The following WDR70 variants were observed in gnomAD, a reference collection of about 807,000 sequenced individuals.
WDR70 encodes the protein WD repeat domain 70.
Under a neutral mutation model 88.6 loss-of-function variants are expected in WDR70, and 53 were observed. The ratio of observed to expected loss-of-function variants is 0.60; its 90% confidence interval spans 0.48 to 0.75. The LOEUF (loss-of-function observed/expected upper bound fraction) is 0.75. Among genes scored for constraint, WDR70 ranks in the 30% least tolerant of loss-of-function variants. WDR70 has a pLI of 0.00. For synonymous variants in WDR70, 280 were observed against 270.0 expected, an observed-to-expected ratio of 1.04 and a Z score of -0.36; for missense variants, 610 against 823.2, an observed-to-expected ratio of 0.74 and a Z score of 3.17.
intron 5 of WDR70, among the ~76,000 whole-genome samples, chr5:37,414,894 A>G (rs1216304961): frequency 6.7e-6 from 1 of 148,150 alleles, no homozygotes; most frequent in Non-Finnish European, 1.5e-5. Context: ...CAAGTGAACA[A>G]AGGTCTCTGG....
chr5:37,505,638 A>G, intron 8 of WDR70: 1 of 776,674 alleles, frequency 1.3e-6, no homozygotes, highest in Admixed American at 1.8e-5. Context: ...AAGAAAAGTG[A>G]TAAGGAAAAT....
At chr5:37,696,245 T>C (rs1051522334) in intron 10 of WDR70, among the ~76,000 whole-genome samples, 1 of 152,150 alleles carries the variant, frequency 6.6e-6, no homozygotes, top group African/African-American at 2.4e-5. Flanking sequence ...GATGGAAGCA[T>C]GATAACTAAT....
intron 8 of WDR70, among the ~76,000 whole-genome samples, chr5:37,507,614 A>G (rs1007168746): frequency 2.0e-5 from 3 of 152,172 alleles, no homozygotes; most frequent in African/African-American, 4.8e-5. Flanking sequence ...TCTGAAGATC[A>G]ATTTGGAGAA....
intron 9 of WDR70, among the ~76,000 whole-genome samples, chr5:37,555,528 C>T (rs1581389854): frequency 6.6e-6 from 1 of 152,132 alleles, no homozygotes; most frequent in Admixed American, 6.5e-5. Context: ...GATTCCCATG[C>T]TCTAATAGTT....
intron 17 of WDR70, among the ~76,000 whole-genome samples, chr5:37,737,597 G>A (rs1748338128): frequency 6.6e-6 from 1 of 152,152 alleles, no homozygotes; most frequent in Non-Finnish European, 1.5e-5. Context: ...CTACACCAAT[G>A]CCAAGCTTTC....
At chr5:37,647,515 A>C (rs531187521) in intron 10 of WDR70, among the ~76,000 whole-genome samples, 1 of 152,304 alleles carries the variant, frequency 6.6e-6, no homozygotes, top group Admixed American at 6.5e-5. Context: ...ATTCTTAGGA[A>C]GGCTTTTCAG....
Position 37,534,324 on chromosome 5 carries a change from C to A in WDR70, c.917+17734C>A, listed in dbSNP as rs1230903258. Among the ~76,000 whole-genome samples, 3 of 152,140 alleles carry A rather than the reference C, an allele frequency of 2.0e-5. No individual in the cohort carries two copies. In the East Asian group the frequency reaches 5.8e-4, roughly 29 times the overall value. ...TATTTAACTGTATTAATTCTCTAAA[C>A]AACAGTTTAGATAAAGTTCCACAGG... On this transcript the variant is annotated intron_variant, in intron 9 of 17. Transcript: ENST00000265107.
intron 9 of WDR70, among the ~76,000 whole-genome samples, chr5:37,522,706 G>A (rs1741134414): frequency 6.6e-6 from 1 of 152,186 alleles, no homozygotes; most frequent in Non-Finnish European, 1.5e-5. Flanking sequence ...GGAAGCACAA[G>A]GGGTCAGGGA....
intron 8 of WDR70, among the ~76,000 whole-genome samples, chr5:37,496,170 T>C (rs113884275): frequency 0.17 from 25,141 of 152,120 alleles, 2,200 homozygotes; most frequent in South Asian, 0.27. Context: ...CAATCAGTGC[T>C]CTGTAAAATG....
intron 9 of WDR70, among the ~76,000 whole-genome samples, chr5:37,583,976 T>G (rs1743293584): frequency 6.6e-6 from 1 of 152,226 alleles, no homozygotes; most frequent in African/African-American, 2.4e-5. Context: ...CCTTACTTGT[T>G]TTCATGGATT....
At chr5:37,467,274 T>C (rs1739184477) in intron 7 of WDR70, among the ~76,000 whole-genome samples, 1 of 151,386 alleles carries the variant, frequency 6.6e-6, no homozygotes, top group Non-Finnish European at 1.5e-5. Flanking sequence ...TTTCTCACAG[T>C]TCTGGAGGCT....
intron 7 of WDR70, among the ~76,000 whole-genome samples, chr5:37,444,421 C>G (rs1010967875): frequency 6.9e-6 from 1 of 145,116 alleles, no homozygotes. Context: ...TCACTGCAAC[C>G]TCTGCTTCTT....
In WDR70 at chr5:37,379,467, C is replaced by T. The variant is rs750898834; in HGVS notation, c.26-22C>T. On this transcript the variant is annotated intron_variant, in intron 1 of 17. Coordinates refer to ENST00000265107, the MANE Select transcript of WDR70 (RefSeq NM_018034.4). Reference sequence around the variant, plus strand: ...TGGGGCGCCGCACTAACTAGGCCGCCTCTCTTTTCCTCTTGCTCCAGTGAC... The same window carrying T: ...TGGGGCGCCGCACTAACTAGGCCGCTTCTCTTTTCCTCTTGCTCCAGTGAC... 28 of 1,613,836 alleles carry T rather than the reference C, an allele frequency of 1.7e-5. No homozygotes were observed. In the South Asian group the frequency reaches 3.1e-4, roughly 18 times the overall value.
intron 9 of WDR70, among the ~76,000 whole-genome samples, chr5:37,569,020 C>T (rs1178610171): frequency 2.6e-5 from 4 of 152,120 alleles, no homozygotes; most frequent in African/African-American, 7.2e-5. Context: ...AAGAGCTAGC[C>T]AGCCACAATA....
Position 37,675,704 on chromosome 5 carries a change from C to T in WDR70, c.1093-21951C>T, listed in dbSNP as rs529227580. ...CTTTGTTCTTTTGGCTTCGGATTGC[C>T]TTGGCGATGCGAGTTCTGTTTTGAT... is the stretch of plus-strand genomic sequence containing the variant. On this transcript the variant is annotated intron_variant, in intron 10 of 17. Transcript: ENST00000265107. 2.0e-4 allele frequency among the ~76,000 whole-genome samples: 30 copies of T among 152,260 alleles called. No individual in the cohort carries two copies. The South Asian group carries it at 6.0e-3, about 31-fold the overall frequency.
chr5:37,708,144 A>G (rs1236614791), intron 13 of WDR70, among the ~76,000 whole-genome samples: 1 of 150,164 alleles, frequency 6.7e-6, no homozygotes, highest in East Asian at 1.9e-4. Context: ...TTATATTTTT[A>G]CTTCCTTCTA....
intron 10 of WDR70, among the ~76,000 whole-genome samples, chr5:37,615,365 G>T (rs1744307035): frequency 6.6e-6 from 1 of 152,112 alleles, no homozygotes. Context: ...ACCAAGCCAT[G>T]CGTCATGAAA....
At chr5:37,542,578 G>A (rs1237768301) in intron 9 of WDR70, among the ~76,000 whole-genome samples, 3 of 151,996 alleles carry the variant, frequency 2.0e-5, no homozygotes, top group South Asian at 4.2e-4. Flanking sequence ...AATGTGCCCC[G>A]GCCCACTTTA....
At chr5:37,432,293 A>G (rs1312944919) in intron 5 of WDR70, among the ~76,000 whole-genome samples, 2 of 151,830 alleles carry the variant, frequency 1.3e-5, no homozygotes, top group Non-Finnish European at 1.5e-5. Flanking sequence ...TTTAATTTGC[A>G]TTTCCTTAAT....
Sources: allele counts gnomAD v4.1 joint callset (sites outside exome capture counted in the v4.1 genomes callset), GRCh38; gene constraint gnomAD v4.1.1; transcripts MANE v1.5; gene names NCBI Gene and HGNC (gene_info 2026-07-23, HGNC 2026-07-21).